The following LGSN variants were observed in gnomAD, a reference collection of about 807,000 sequenced individuals.
LGSN encodes lengsin, lens protein with glutamine synthetase domain, also known as lengsin.
A neutral mutation model predicts 19.5 loss-of-function variants in LGSN; 21 were observed. The observed-to-expected ratio is 1.07, with a 90% confidence interval of 0.76 to 1.55. LGSN has a LOEUF of 1.55. Ranked by LOEUF, LGSN falls within the 40% of genes most tolerant of loss-of-function variation. LGSN has a pLI of 0.00. For synonymous variants in LGSN, 257 were observed against 215.6 expected (o/e 1.19, Z -1.68); for missense variants, 673 against 608.5 (o/e 1.11, Z -1.12).
At chr6:63,323,559 T>TACAC (rs58400159), upstream of LGSN, among the ~76,000 whole-genome samples, 17,060 of 132,550 alleles carry the variant, frequency 0.13, 1,379 homozygotes, top group Admixed American at 0.19. Context: ...AAACCTCATA[T>TACAC]ACACACACAC....
the LGSN span, among the ~76,000 whole-genome samples, chr6:63,480,861 C>T: frequency 7.0e-6 from 1 of 143,676 alleles, no homozygotes; most frequent in African/African-American, 2.6e-5. Context: ...ATTTTTATAG[C>T]AACATAATTA....
intron 1 of LGSN, among the ~76,000 whole-genome samples, chr6:63,304,373 T>C (rs1163136019): frequency 6.6e-6 from 1 of 152,238 alleles, no homozygotes. Flanking sequence ...CAGATTTTAC[T>C]GCAAAACCTG....
chr6:63,566,544 G>T, the LGSN span, among the ~76,000 whole-genome samples: 10 of 152,280 alleles, frequency 6.6e-5, no homozygotes, highest in African/African-American at 2.2e-4. Flanking sequence ...AGGAAGTGGG[G>T]AAAACGGGTA....
chr6:63,398,207 T>TAAAA, the LGSN span, among the ~76,000 whole-genome samples: 1 of 109,742 alleles, frequency 9.1e-6, no homozygotes, highest in Non-Finnish European at 2.1e-5. Flanking sequence ...TCCTATTTAC[T>TAAAA]AAAAAAAAAA....
At chr6:63,427,278 A>G in the LGSN span, among the ~76,000 whole-genome samples, 1 of 152,162 alleles carries the variant, frequency 6.6e-6, no homozygotes, top group Non-Finnish European at 1.5e-5. Flanking sequence ...TCTTGACCTC[A>G]GGTGATCCAC....
chr6:63,563,070 C>T, the LGSN span, among the ~76,000 whole-genome samples: 193 of 152,330 alleles, frequency 1.3e-3, no homozygotes, highest in Non-Finnish European at 2.3e-3. Flanking sequence ...CCTCCACTGT[C>T]CTGATCATAG....
chr6:63,530,714 A>C, the LGSN span, among the ~76,000 whole-genome samples: 1 of 152,230 alleles, frequency 6.6e-6, no homozygotes, highest in Non-Finnish European at 1.5e-5. Flanking sequence ...GATCAGAAGG[A>C]AGTACATCAA....
At chr6:63,550,157 A>G in the LGSN span, 2 of 152,228 alleles carry the variant, frequency 1.3e-5, no homozygotes, top group Non-Finnish European at 2.9e-5. Flanking sequence ...TGTGAGCCAA[A>G]CTAGATAATC....
the LGSN span, among the ~76,000 whole-genome samples, chr6:63,405,969 A>G: frequency 3.9e-5 from 6 of 152,322 alleles, no homozygotes; most frequent in East Asian, 9.6e-4. Flanking sequence ...TTCAACAAGA[A>G]GAGCTAACTA....
the LGSN span, chr6:63,573,607 C>T: frequency 6.6e-6 from 1 of 152,330 alleles, no homozygotes; most frequent in Non-Finnish European, 1.5e-5. Flanking sequence ...GAGTGGGGTT[C>T]TGCTAGGTGA....
the LGSN span, among the ~76,000 whole-genome samples, chr6:63,408,774 C>T: frequency 6.6e-6 from 1 of 151,896 alleles, no homozygotes; most frequent in Non-Finnish European, 1.5e-5. Flanking sequence ...TTTTCGCAAC[C>T]TACTTATCTG....
chr6:63,567,660 C>T, the LGSN span, among the ~76,000 whole-genome samples: 1 of 152,166 alleles, frequency 6.6e-6, no homozygotes. Context: ...CTTAAAGTCA[C>T]CAGCCACATC....
rs561266958 is a variant in LGSN, at chr6:63,296,655, G to T, written c.31-1610C>A. On this transcript the variant is annotated intron_variant, in intron 1 of 3. Transcript: ENST00000370657. Reference sequence around the variant, plus strand: ...TTTCATATATAAATTGAAGGAATTGGGTGACATAAACTTTAACATCTCTTT... The same window carrying T: ...TTTCATATATAAATTGAAGGAATTGTGTGACATAAACTTTAACATCTCTTT... Among the ~76,000 whole-genome samples, 83 of 151,972 alleles carry T rather than the reference G, an allele frequency of 5.5e-4. No homozygotes were observed. The South Asian group carries it at 0.013, about 24-fold the overall frequency.
the LGSN span, among the ~76,000 whole-genome samples, chr6:63,416,025 C>G: frequency 4.9e-4 from 75 of 152,030 alleles, 1 homozygote; most frequent in African/African-American, 1.8e-3. Context: ...GTTTTCCTGA[C>G]CATTGAGAAG....
chr6:63,526,809 A>G, the LGSN span, among the ~76,000 whole-genome samples: 9 of 132,968 alleles, frequency 6.8e-5, no homozygotes, highest in Non-Finnish European at 1.4e-4. Context: ...AAATGTATAT[A>G]TATATATATA....
chr6:63,535,797 G>A, the LGSN span, among the ~76,000 whole-genome samples: 4 of 152,078 alleles, frequency 2.6e-5, no homozygotes, highest in African/African-American at 9.7e-5. Flanking sequence ...CTATATTTAG[G>A]CTGGCCACGA....
At chr6:63,386,747 A>AC in the LGSN span, among the ~76,000 whole-genome samples, 1 of 152,132 alleles carries the variant, frequency 6.6e-6, no homozygotes, top group African/African-American at 2.4e-5. Context: ...GAAAAGAGTA[A>AC]TATGGTTTCT....
At chr6:63,492,330 T>C in the LGSN span, among the ~76,000 whole-genome samples, 126 of 151,696 alleles carry the variant, frequency 8.3e-4, 1 homozygote, top group African/African-American at 2.9e-3. Flanking sequence ...TATAAGCTTA[T>C]ACTACCTTTA....
chr6:63,416,669 GCAA>G, the LGSN span, among the ~76,000 whole-genome samples: 1 of 151,994 alleles, frequency 6.6e-6, no homozygotes, highest in East Asian at 1.9e-4. Flanking sequence ...CTCCACCTCA[GCAA>G]TTCTCCTACC....
Sources: allele counts gnomAD v4.1 joint callset (sites outside exome capture counted in the v4.1 genomes callset), GRCh38; gene constraint gnomAD v4.1.1; transcripts MANE v1.5; gene names NCBI Gene and HGNC (gene_info 2026-07-23, HGNC 2026-07-21).